The following PBX3 variants were observed in gnomAD, a reference collection of about 807,000 sequenced individuals.
PBX3 encodes the protein PBX homeobox 3, also known as pre-B-cell leukemia transcription factor 3.
In PBX3, 14 loss-of-function variants were observed where a neutral mutation model predicts 48.5. That is an observed-to-expected ratio of 0.29 (90% confidence interval 0.19 to 0.45). The LOEUF (loss-of-function observed/expected upper bound fraction) is 0.45. PBX3 is among the 20% of genes least tolerant of loss of function. The pLI, the probability that PBX3 is intolerant of heterozygous loss-of-function variation, is 1.00. For synonymous variants in PBX3, 210 were observed against 200.3 expected, an observed-to-expected ratio of 1.05 and a Z score of -0.41; for missense variants, 386 against 546.7, an observed-to-expected ratio of 0.71 and a Z score of 2.93.
chr9:125,840,162 T>C lies in PBX3; in HGVS notation c.275-75524T>C, dbSNP rs557169933. ...AATAATTGTGACTTGTCTAGCATTA[T>C]GGTGATATTTAAACTGTTTTCCAGA... On this transcript the variant is annotated intron_variant, in intron 2 of 8. Coordinates refer to ENST00000373489, the MANE Select transcript of PBX3 (RefSeq NM_006195.6). Among the ~76,000 whole-genome samples the C allele has an allele frequency of 3.9e-5, 6 of 152,254 alleles. No homozygotes were observed. In the South Asian group the frequency reaches 1.2e-3, roughly 32 times the overall value.
chr9:125,788,861 C>G (rs1200969303), intron 2 of PBX3, among the ~76,000 whole-genome samples: 2 of 149,582 alleles, frequency 1.3e-5, no homozygotes, highest in South Asian at 2.1e-4. Flanking sequence ...GGCGACAGAG[C>G]GAGACTCCAT....
At chr9:125,767,146 TAAAAAAC>T (rs1292321510) in intron 2 of PBX3, among the ~76,000 whole-genome samples, 1 of 152,182 alleles carries the variant, frequency 6.6e-6, no homozygotes, top group Non-Finnish European at 1.5e-5. Flanking sequence ...TTGAAACAGT[TAAAAAAC>T]AAAACCCCAA....
rs200848614 is a variant in PBX3 at position 125,769,887 on chromosome 9, CTGAG to C, written c.274+21268_274+21271del. Among the ~76,000 whole-genome samples the C allele has an allele frequency of 1.1e-3, 170 of 152,122 alleles. 1 individual carries two copies. The East Asian group carries it at 0.021, about 19-fold the overall frequency. On this transcript the variant is annotated intron_variant, in intron 2 of 8. Coordinates refer to ENST00000373489, the MANE Select transcript of PBX3 (RefSeq NM_006195.6). ...TCTGATTCTTTGACTTTTTTTTAAA[CTGAG>C]TGAATTGTTTATTAATTAGCTCTTA...
chr9:125,773,535 G>A (rs1469437600), intron 2 of PBX3, among the ~76,000 whole-genome samples: 1 of 152,188 alleles, frequency 6.6e-6, no homozygotes, highest in Non-Finnish European at 1.5e-5. Context: ...CAGAGATACT[G>A]TGTTTTGTTT....
At chr9:125,818,504 T>G (rs1838539375) in intron 2 of PBX3, among the ~76,000 whole-genome samples, 1 of 151,782 alleles carries the variant, frequency 6.6e-6, no homozygotes, top group Non-Finnish European at 1.5e-5. Flanking sequence ...CCGGCTAATT[T>G]TTATTTTAAT....
chr9:125,752,769 TTGTTATATATTA>T (rs1836411516), intron 2 of PBX3, among the ~76,000 whole-genome samples: 1 of 152,170 alleles, frequency 6.6e-6, no homozygotes, highest in African/African-American at 2.4e-5. Context: ...AAGGTGAAAA[TTGTTATATATTA>T]GTCTAAATGT....
At chr9:125,924,481 T>C (rs1841526938) in intron 3 of PBX3, among the ~76,000 whole-genome samples, 1 of 152,238 alleles carries the variant, frequency 6.6e-6, no homozygotes, top group Non-Finnish European at 1.5e-5. Flanking sequence ...TGACAAGTTA[T>C]AGTTTTGTAA....
intron 2 of PBX3, among the ~76,000 whole-genome samples, chr9:125,857,115 G>C (rs937517904): frequency 6.6e-6 from 1 of 152,142 alleles, no homozygotes; most frequent in African/African-American, 2.4e-5. Flanking sequence ...AATAGGATTT[G>C]AATTTCAGGG....
Position 125,963,021 on chromosome 9 carries a change from C to T in PBX3, c.1132C>T (p.Leu378Phe), listed in dbSNP as rs1414988839. ...TTTGTCTCACTTCTAGGTGGATACCCTCCGTCATGTTATCAATCAGACGGG... is the reference window on the plus strand; with the variant it reads ...TTTGTCTCACTTCTAGGTGGATACCTTCCGTCATGTTATCAATCAGACGGG... ...GANVQSQVDT[L>F]RHVINQTGGY... Residue 378 changes from leucine to phenylalanine, a missense_variant, in exon 8 of 9, where the codon CTC becomes TTC. Physicochemically the swap from Leu to Phe is conservative, Grantham distance 22 (BLOSUM62 0). This residue lies in a region of PBX3 where 127 missense variants were observed against 143.3 expected (regional missense o/e 0.89). Coordinates refer to ENST00000373489, the MANE Select transcript of PBX3 (RefSeq NM_006195.6). 6.3e-7 allele frequency: 1 copy of T among 1,599,958 alleles called. No individual in the cohort carries two copies. The highest frequency in any genetic ancestry group is 8.6e-7 in the Non-Finnish European group (1 of 1,168,362).
intron 2 of PBX3, among the ~76,000 whole-genome samples, chr9:125,767,756 A>G (rs559579172): frequency 8.5e-5 from 13 of 152,308 alleles, no homozygotes; most frequent in Non-Finnish European, 1.8e-4. Context: ...TGTAACTGCA[A>G]TCCACTTTCT....
intron 2 of PBX3, among the ~76,000 whole-genome samples, chr9:125,804,146 A>G (rs1304519160): frequency 1.3e-5 from 2 of 152,258 alleles, no homozygotes. Flanking sequence ...GAAATGGTGA[A>G]GACTAAATAG....
rs1837653349 is a variant in PBX3 at position 125,792,897 on chromosome 9, AC to A, written c.274+44276del. Among the ~76,000 whole-genome samples the A allele has an allele frequency of 2.7e-5, 4 of 150,522 alleles. No individual in the cohort carries two copies. The South Asian group carries it at 8.5e-4, about 32-fold the overall frequency. ...TATTTTTTAGTAGAGACCAGGTTTC[AC>A]CATATTGGACAGGCTGGTCTTGAAC... is the stretch of plus-strand genomic sequence containing the variant. On this transcript the variant is annotated intron_variant, in intron 2 of 8. Transcript: ENST00000373489.
chr9:125,747,757 G>A lies in PBX3; in HGVS notation c.200+104G>A, dbSNP rs1836235820. On this transcript the variant is annotated intron_variant, in intron 1 of 8. Transcript: ENST00000373489. ...CCCGGGGCTAGGGCCGCAGCCCCCGGCGGGGAACTTTCTCCGAAAGCCGGC... is the reference window on the plus strand; with the variant it reads ...CCCGGGGCTAGGGCCGCAGCCCCCGACGGGGAACTTTCTCCGAAAGCCGGC... 5.9e-6 allele frequency: 5 copies of A among 850,472 alleles called. 1 individual carries two copies. The East Asian group carries it at 1.4e-4, about 23-fold the overall frequency. The allele number at this position is 850,472 out of a possible 1,614,324, so 52.7% of individuals were successfully genotyped here.
intron 2 of PBX3, among the ~76,000 whole-genome samples, chr9:125,813,022 T>A (rs1259938144): frequency 1.3e-5 from 2 of 152,240 alleles, no homozygotes; most frequent in Non-Finnish European, 2.9e-5. Context: ...GCACACTTTA[T>A]ATATGATGTA....
At chr9:125,753,907 G>C (rs570236143) in intron 2 of PBX3, among the ~76,000 whole-genome samples, 3 of 151,972 alleles carry the variant, frequency 2.0e-5, no homozygotes, top group Middle Eastern at 3.4e-3. Flanking sequence ...TACTTCTGAG[G>C]CAAATTTAAA....
At chr9:125,753,923 G>A (rs1442921623) in intron 2 of PBX3, among the ~76,000 whole-genome samples, 1 of 151,918 alleles carries the variant, frequency 6.6e-6, no homozygotes, top group Non-Finnish European at 1.5e-5. Context: ...TTAAATTAAC[G>A]TATTAGTTGG....
chr9:125,880,089 G>C (rs960348659), intron 2 of PBX3, among the ~76,000 whole-genome samples: 1 of 152,196 alleles, frequency 6.6e-6, no homozygotes, highest in Non-Finnish European at 1.5e-5. Flanking sequence ...CTGTTGCCCA[G>C]GCGGGAGTAC....
At chr9:125,897,291 T>C (rs1840797783) in intron 2 of PBX3, among the ~76,000 whole-genome samples, 1 of 151,842 alleles carries the variant, frequency 6.6e-6, no homozygotes, top group African/African-American at 2.4e-5. Context: ...TATGAATTCA[T>C]TAATTTGTGG....
intron 5 of PBX3, among the ~76,000 whole-genome samples, chr9:125,959,382 A>G (rs1006410672): frequency 6.6e-6 from 1 of 152,206 alleles, no homozygotes; most frequent in African/African-American, 2.4e-5. Context: ...GTATGCCTGC[A>G]TGTGTATATG....
Sources: allele counts gnomAD v4.1 joint callset (sites outside exome capture counted in the v4.1 genomes callset), GRCh38; gene constraint gnomAD v4.1.1; regional missense constraint gnomAD v4.1.1; transcripts MANE v1.5; gene names NCBI Gene and HGNC (gene_info 2026-07-23, HGNC 2026-07-21).